Variants in DBN1 observed in about 807,000 individuals in gnomAD.
The protein encoded by DBN1 is drebrin.
DBN1 carries 21 observed loss-of-function variants against 83.5 expected under a neutral mutation model. That is an observed-to-expected ratio of 0.25 (90% CI 0.18 to 0.36). The LOEUF (loss-of-function observed/expected upper bound fraction) is 0.36, where lower values mean the gene tolerates loss of function less well. Ranked by LOEUF, DBN1 falls within the 10% of genes least tolerant of loss-of-function variation. The probability of loss-of-function intolerance (pLI) is 1.00; values close to 1 mark genes in which losing one functional copy is unlikely to be tolerated. For missense variants in DBN1, 874 were observed against 935.7 expected (o/e 0.93, Z 0.86); for synonymous variants, 381 against 384.9 (o/e 0.99, Z 0.12).
chr5:177,457,994 G>C, intron 13 of DBN1, 64 bp downstream of exon 13: 1 of 1,604,822 alleles, frequency 6.2e-7, no homozygotes, highest in South Asian at 1.1e-5. Context: ...GAGGAATGCA[G>C]GGCCAGCACC....
At chr5:177,465,023 G>C (rs373271845) in intron 8 of DBN1, among the ~76,000 whole-genome samples, 2 of 152,150 alleles carry the variant, frequency 1.3e-5, no homozygotes, top group African/African-American at 4.8e-5. Context: ...ACGTGGTGGC[G>C]GGCACCTGTA....
At chr5:177,471,737 G>A (rs1403105468) in intron 1 of DBN1, among the ~76,000 whole-genome samples, 2 of 152,192 alleles carry the variant, frequency 1.3e-5, no homozygotes, top group Non-Finnish European at 2.9e-5. Flanking sequence ...ACCCAGATGG[G>A]GGCTGACGCA....
intron 1 of DBN1, chr5:177,472,740 C>T (rs1263368730): frequency 1.4e-5 from 14 of 976,390 alleles, no homozygotes; most frequent in Non-Finnish European, 1.7e-5. Context: ...CTGCCTAGTC[C>T]CCGCAGTCCC....
Position 177,458,530 on chromosome 5 carries a change from G to A in DBN1, c.1442C>T (p.Pro481Leu), listed in dbSNP as rs745468648. 1.2e-6 allele frequency: 2 copies of A among 1,614,046 alleles called. No individual in the cohort carries two copies. The highest frequency in any genetic ancestry group is 1.7e-6 in the Non-Finnish European group (2 of 1,180,004). The change falls in exon 13 of 15, where the codon CCC (proline) becomes CTC (leucine). Residue 481 changes from proline (P) to leucine (L), a missense_variant. Physicochemically the swap from Pro to Leu is moderately conservative, Grantham distance 98. Around this residue, in one of 4 missense-constraint regions of DBN1, gnomAD observed 725 missense variants for 719.7 expected, o/e 1.01. Coordinates refer to ENST00000393565, the MANE Select transcript of DBN1 (RefSeq NM_001363541.2). ...ESAEQAVLAAPVEPATADATE... is the reference protein window; with the variant it reads ...ESAEQAVLAALVEPATADATE... ...GGCGTCAGCTGTGGCAGGCTCCACGGGAGCAGCCAGGACAGCCTGCTCTGC... is the reference window on the plus strand; with the variant it reads ...GGCGTCAGCTGTGGCAGGCTCCACGAGAGCAGCCAGGACAGCCTGCTCTGC...
chr5:177,472,133 AGCT>A, intron 1 of DBN1: 1 of 1,610,688 alleles, frequency 6.2e-7, no homozygotes, highest in African/African-American at 1.3e-5. Context: ...AGGACACGAG[AGCT>A]TGTCTCTCGC....
chr5:177,465,050 G>A (rs1757346235), intron 8 of DBN1, among the ~76,000 whole-genome samples: 1 of 152,344 alleles, frequency 6.6e-6, no homozygotes, highest in South Asian at 2.1e-4. Context: ...GCTACTTGGA[G>A]GCTGAGGCAG....
rs757132841 is a variant in DBN1 at position 177,460,653 on chromosome 5, C to T, written c.822G>A (p.Ser274=). 10 of 1,614,178 alleles carry T rather than the reference C, an allele frequency of 6.2e-6. No individual in the cohort carries two copies. Among genetic ancestry groups the T allele is most frequent in the Middle Eastern group, 1.6e-4 (1 of 6,062 alleles). Residue 274 remains serine (S), a synonymous_variant, in exon 9 of 15, where the codon TCG becomes TCA. Transcript: ENST00000393565. ...TGCCCCCAGCTCTCACCTCCACCTC[C>T]GACTCTGACTTCTTCATGTGGGTCT... ...EEETHMKKSE[S]EVEEAAAIIA...
intron 8 of DBN1, among the ~76,000 whole-genome samples, chr5:177,461,393 C>T (rs1478673001): frequency 6.6e-6 from 1 of 152,200 alleles, no homozygotes; most frequent in East Asian, 1.9e-4. Context: ...CCACCGCGCC[C>T]GGCCCCTTCT....
In DBN1 at chr5:177,467,146, T is replaced by A. The variant is rs759276358; in HGVS notation, c.556-84A>T. The A allele has an allele frequency of 2.5e-5, 37 of 1,494,956 alleles. No individual in the cohort carries two copies. The highest frequency in any genetic ancestry group is 2.8e-5 in the Non-Finnish European group (31 of 1,098,812). The allele number at this position is 1,494,956 out of a possible 1,614,324, so 92.6% of individuals were successfully genotyped here. On this transcript the variant is annotated intron_variant, in intron 6 of 14. Transcript: ENST00000393565. The surrounding 1 kb of genome is among the most constrained non-coding windows in gnomAD (Gnocchi z 9.1). ...CTCCAGCCCCTCCCTAACCCAGCGC[T>A]GGGGGCGGGGCACGTGGCATGGGCC...
Position 177,458,138 on chromosome 5 carries a change from G to A in DBN1, c.1834C>T (p.Leu612Phe), listed in dbSNP as rs1192828287. Reference sequence around the variant, plus strand: ...TCCTGCTCTTGCTCCAGCTCCTCAAGGGCTGAGGGCAGAGTTGGGGTCTGG... The same window carrying A: ...TCCTGCTCTTGCTCCAGCTCCTCAAAGGCTGAGGGCAGAGTTGGGGTCTGG... ...APQTPTLPSA[L>F]EELEQEQEPE... The change falls in exon 13 of 15, where the codon CTT becomes TTT. Residue 612 changes from leucine to phenylalanine, a missense_variant. Coordinates refer to ENST00000393565, the MANE Select transcript of DBN1 (RefSeq NM_001363541.2). 1.9e-6 allele frequency: 3 copies of A among 1,613,578 alleles called. No homozygotes were observed. Among genetic ancestry groups the A allele is most frequent in the Admixed American group, 1.7e-5 (1 of 60,024 alleles).
chr5:177,471,427 C>T (rs1220652522), intron 1 of DBN1, among the ~76,000 whole-genome samples: 1 of 152,102 alleles, frequency 6.6e-6, no homozygotes, highest in Non-Finnish European at 1.5e-5. Context: ...TTCAGAGGCC[C>T]TGCCACCTAG....
chr5:177,460,804 G>A (rs1170739859), intron 8 of DBN1, 101 bp from the exon 9 acceptor site: 2 of 1,237,396 alleles, frequency 1.6e-6, no homozygotes, highest in Non-Finnish European at 2.3e-6. Flanking sequence ...TTTTAAGACA[G>A]GTTCTCGCCC....
intron 1 of DBN1, among the ~76,000 whole-genome samples, 191 bp from the exon 2 acceptor site, chr5:177,469,090 G>C (rs984296909): frequency 2.6e-5 from 4 of 152,134 alleles, no homozygotes; most frequent in Admixed American, 2.0e-4. Context: ...CTGGAGGCCT[G>C]GGTCAGGGGG....
chr5:177,472,394 T>C (rs1757914501), intron 1 of DBN1: 2 of 1,451,072 alleles, frequency 1.4e-6, no homozygotes, highest in Non-Finnish European at 9.0e-7. Context: ...GATGGGCACC[T>C]TCCCTAGAAG....
rs1047578576 is a variant in DBN1 at position 177,467,902 on chromosome 5, A to T, written c.256-85T>A. The T allele has an allele frequency of 1.3e-6, 2 of 1,517,938 alleles. No individual in the cohort carries two copies. The highest frequency in any genetic ancestry group is 3.4e-5 in the Admixed American group (2 of 58,742). 94.0% of individuals were successfully genotyped at this position (1,517,938 alleles called of 1,614,324 possible). ...GGTGCATCTTCCCCGGGGTGGGAAG[A>T]GGGTGGGCTTCCCTCTCCACGGGTG... is the stretch of plus-strand genomic sequence containing the variant. On this transcript the variant is annotated intron_variant, in intron 3 of 14. Coordinates refer to ENST00000393565, the MANE Select transcript of DBN1 (RefSeq NM_001363541.2). The surrounding 1 kb of genome is among the most constrained non-coding windows in gnomAD (Gnocchi z 9.1).
intron 8 of DBN1, among the ~76,000 whole-genome samples, chr5:177,465,202 A>G (rs948353181): frequency 2.0e-5 from 3 of 152,378 alleles, no homozygotes; most frequent in Admixed American, 6.5e-5. Flanking sequence ...CTCTGAAAGG[A>G]TAAATAAAAT....
chr5:177,471,318 CA>C (rs1351416283), intron 1 of DBN1, among the ~76,000 whole-genome samples: 2 of 152,080 alleles, frequency 1.3e-5, no homozygotes, highest in African/African-American at 4.8e-5. Flanking sequence ...TGTGTATGAT[CA>C]CAGTGAGTCA....
intron 1 of DBN1, chr5:177,472,268 T>A: frequency 1.2e-6 from 2 of 1,608,704 alleles, no homozygotes; most frequent in East Asian, 4.5e-5. Context: ...GCCCTCCCAG[T>A]GTGCGGGTGA....
Position 177,473,412 on chromosome 5 carries a change from CGGGGGCGGGGGCG to C in DBN1, c.86+11_86+23del. 7.8e-7 allele frequency: 1 copy of C among 1,284,208 alleles called. No homozygotes were observed. The highest frequency in any genetic ancestry group is 1.7e-5 in the South Asian group (1 of 59,398). 79.6% of individuals were successfully genotyped at this position (1,284,208 alleles called of 1,614,324 possible). A position where few individuals can be genotyped will look rare whatever the true frequency, so the allele number is the denominator to read the frequency against. ...GGCGGCGGCGCGGGGACAAAGGGGC[CGGGGGCGGGGGCG>C]GGGGGCTCACCAGTCGGCCGCGCTC... On this transcript the variant is annotated intron_variant, in intron 1 of 14. Transcript: ENST00000393565.
Sources: gnomAD v4.1 joint callset for allele counts (sites outside exome capture counted in the v4.1 genomes callset) on GRCh38, gnomAD v4.1.1 for gene constraint, gnomAD v4.1.1 regional missense constraint, Gnocchi (gnomAD v3.1) non-coding constraint, MANE v1.5 for transcripts, NCBI Gene and HGNC (gene_info 2026-07-23, HGNC 2026-07-21) for gene names.